The following HERC1 variants were observed in gnomAD, a reference collection of about 807,000 sequenced individuals.
HERC1 encodes probable E3 ubiquitin-protein ligase HERC1.
Under a neutral mutation model 554.3 loss-of-function variants are expected in HERC1, and 160 were observed. The ratio of observed to expected loss-of-function variants is 0.29; its 90% CI spans 0.25 to 0.33. The LOEUF is 0.33. HERC1 is among the 10% of genes least tolerant of loss of function. The probability of loss-of-function intolerance (pLI) is 1.00; values close to 1 mark genes in which losing one functional copy is unlikely to be tolerated. For missense variants in HERC1, 4,919 were observed against 5,918.5 expected, an observed-to-expected ratio of 0.83 and a Z score of 5.54; for synonymous variants, 2,175 against 2,131.7, an observed-to-expected ratio of 1.02 and a Z score of -0.56.
At chr15:63,704,390 G>T (rs1825250251) in intron 25 of HERC1, among the ~76,000 whole-genome samples, 1 of 152,016 alleles carries the variant, frequency 6.6e-6, no homozygotes, top group Non-Finnish European at 1.5e-5. Context: ...ATTTCCATAT[G>T]CATGATAGAG....
rs7175789 is a variant in HERC1, at chr15:63,630,894, T to C, written c.12797-259A>G. Reference sequence around the variant, plus strand: ...AAAAGTTGTATCTAAACTCGGTAACTTGTTTCAAAATAAGAGGCTTCTCCA... The same window carrying C: ...AAAAGTTGTATCTAAACTCGGTAACCTGTTTCAAAATAAGAGGCTTCTCCA... On this transcript the variant is annotated intron_variant, in intron 68 of 77. Transcript: ENST00000443617. Among the ~76,000 whole-genome samples the C allele has an allele frequency of 0.099, 15,117 of 152,296 alleles. 1,025 individuals are homozygous for C. Among genetic ancestry groups the C allele is most frequent in the African/African-American group, 0.18 (7,420 of 41,538 alleles).
At chr15:63,681,359 G>T (rs1162778828) in intron 34 of HERC1, among the ~76,000 whole-genome samples, 1 of 152,010 alleles carries the variant, frequency 6.6e-6, no homozygotes, top group Non-Finnish European at 1.5e-5. Context: ...ACACCATCAT[G>T]CCTGGCTAGT....
chr15:63,640,392 C>A lies in HERC1; in HGVS notation c.11661G>T (p.Leu3887Phe). The change falls in exon 61 of 78, where the codon TTG becomes TTT. Residue 3887 changes from leucine (L) to phenylalanine (F), a missense_variant. This residue lies in a region of HERC1 where 1,963 missense variants were observed against 2,228.6 expected (regional missense o/e 0.88). Coordinates refer to ENST00000443617, the MANE Select transcript of HERC1 (RefSeq NM_003922.4). The stretch of plus-strand genomic sequence containing the variant: ...GATGAAGTCCCACAGCAAGGGAAGC[C>A]AAGCATTGCATATAGGGGCTATGAA... The part of the protein sequence containing the change: ...QLVHSPYMQC[L>F]ASLAVGLHLD... 1.9e-6 allele frequency: 3 copies of A among 1,613,796 alleles called. No individual in the cohort carries two copies. The highest frequency in any genetic ancestry group is 2.5e-6 in the Non-Finnish European group (3 of 1,179,796).
chr15:63,727,702 T>G lies in HERC1; in HGVS notation c.3291A>C (p.Arg1097Ser), dbSNP rs1465597633. ...DLLPPLDCLNRLLPAADLLED... is the reference protein window; with the variant it reads ...DLLPPLDCLNSLLPAADLLED... ...CTAAAAGATCAGCAGCTGGCAGGAG[T>G]CTATTAAGGCAATCAAGAGGTGGCA... Residue 1097 changes from arginine to serine, a missense_variant, in exon 17 of 78, where the codon AGA (arginine) becomes AGC (serine). By Grantham distance (110) the Arg-to-Ser change is moderately radical. Transcript: ENST00000443617. The surrounding 1 kb of genome is among the most constrained non-coding windows in gnomAD (Gnocchi z 4.3). 3 of 1,613,172 alleles carry G rather than the reference T, an allele frequency of 1.9e-6. No homozygotes were observed. The highest frequency in any genetic ancestry group is 1.7e-5 in the Admixed American group (1 of 59,910).
chr15:63,627,949 G>T (rs1273514739), intron 70 of HERC1, among the ~76,000 whole-genome samples: 1 of 152,218 alleles, frequency 6.6e-6, no homozygotes, highest in East Asian at 1.9e-4. Context: ...GAATAAAATG[G>T]CAGCAAGTTG....
At chr15:63,764,465 C>T (rs1216793905) in intron 2 of HERC1, among the ~76,000 whole-genome samples, 1 of 152,146 alleles carries the variant, frequency 6.6e-6, no homozygotes, top group Non-Finnish European at 1.5e-5. Context: ...ACAGGGCTCT[C>T]GAAACAATCA....
intron 1 of HERC1, among the ~76,000 whole-genome samples, chr15:63,824,456 C>T (rs1016693366): frequency 1.3e-5 from 2 of 151,670 alleles, no homozygotes; most frequent in Admixed American, 1.3e-4. Flanking sequence ...ATCACTTGAA[C>T]CCGGGAGGCA....
chr15:63,787,872 G>C (rs1042269983), intron 1 of HERC1, among the ~76,000 whole-genome samples: 1 of 150,852 alleles, frequency 6.6e-6, no homozygotes, highest in Non-Finnish European at 1.5e-5. Flanking sequence ...ATACTGGGGA[G>C]GCCGCCTGAG....
chr15:63,756,601 T>G lies in HERC1; in HGVS notation c.1369A>C (p.Ile457Leu). Residue 457 changes from isoleucine (I) to leucine (L), a missense_variant, in exon 5 of 78, where the codon ATT becomes CTT. This residue lies in a region of HERC1 where 744 missense variants were observed against 1,090.0 expected (regional missense o/e 0.68). Transcript: ENST00000443617. This position sits in a 1 kb window ranked among gnomAD's most constrained non-coding sequence, Gnocchi z 5.0. ...CCTTTAGAAGATGAAACCTTTTTAA[T>G]GGATCTGTGAGGCTCGAATGTTAAC... ...KKLTFEPHRS[I>L]KKVSSSKGSD... The G allele has an allele frequency of 4.3e-6, 7 of 1,613,974 alleles. 1 individual carries two copies. In the South Asian group the frequency reaches 4.4e-5, roughly 10 times the overall value.
intron 19 of HERC1, among the ~76,000 whole-genome samples, chr15:63,721,090 A>G (rs1224893863): frequency 6.6e-6 from 1 of 152,142 alleles, no homozygotes; most frequent in Non-Finnish European, 1.5e-5. Context: ...GGTATAGAAA[A>G]CCTAACTGCA....
At chr15:63,697,592 T>A (rs959563880) in intron 26 of HERC1, among the ~76,000 whole-genome samples, 1 of 151,856 alleles carries the variant, frequency 6.6e-6, no homozygotes, top group African/African-American at 2.4e-5. Context: ...GTAGCTGGGA[T>A]TACAGGCATC....
At position 63,704,740 on chromosome 15, in the gene HERC1, T is replaced by A. The variant is rs1003180716; in HGVS notation, c.4636+2040A>T. Among the ~76,000 whole-genome samples, 129 of 145,770 alleles carry A rather than the reference T, an allele frequency of 8.8e-4. 1 individual carries two copies. Among genetic ancestry groups the A allele is most frequent in the African/African-American group, 3.0e-3 (118 of 39,342 alleles). On this transcript the variant is annotated intron_variant, in intron 25 of 77. Transcript: ENST00000443617. The stretch of plus-strand genomic sequence containing the variant: ...ATAATACAAATACTCTGTAATTTTT[T>A]TTTTTTTTTTTTTTTTGAGATGGAG...
At chr15:63,769,495 C>A (rs2075884709) in intron 2 of HERC1, among the ~76,000 whole-genome samples, 1 of 152,114 alleles carries the variant, frequency 6.6e-6, no homozygotes, top group African/African-American at 2.4e-5. Context: ...AAATGTATAA[C>A]TTCATTTGTT....
In HERC1 at chr15:63,649,925, C is replaced by T; in HGVS notation, c.10547G>A (p.Gly3516Glu). The change falls in exon 54 of 78, where the codon GGA (glycine) becomes GAA (glutamate). Residue 3516 changes from glycine to glutamate, a missense_variant and splice_region_variant. Coordinates refer to ENST00000443617, the MANE Select transcript of HERC1 (RefSeq NM_003922.4). The part of the protein sequence containing the change: ...EKMVNIWQVN[G>E]GKGLVDIQPH... The stretch of plus-strand genomic sequence containing the variant: ...CTGAATATCTACTAATCCTTTTCCT[C>T]CTAAAAGGGAAAAAATGTTAACTAG... The T allele has an allele frequency of 1.9e-6, 3 of 1,587,460 alleles. No individual in the cohort carries two copies. The highest frequency in any genetic ancestry group is 2.6e-6 in the Non-Finnish European group (3 of 1,166,170).
At chr15:63,793,984 A>C (rs936519873) in intron 1 of HERC1, among the ~76,000 whole-genome samples, 2 of 152,194 alleles carry the variant, frequency 1.3e-5, no homozygotes, top group Non-Finnish European at 2.9e-5. Flanking sequence ...GAGCTGGCTA[A>C]AACTCACCAA....
At position 63,628,755 on chromosome 15, in the gene HERC1, T is replaced by C; in HGVS notation, c.13027A>G (p.Lys4343Glu). 1 of 1,614,060 alleles carries C rather than the reference T, an allele frequency of 6.2e-7. No homozygotes were observed. Among genetic ancestry groups the C allele is most frequent in the Non-Finnish European group, 8.5e-7 (1 of 1,179,902 alleles). The change falls in exon 70 of 78, where the codon AAA becomes GAA. Residue 4343 changes from lysine to glutamate, a missense_variant. Physicochemically the swap from Lys to Glu is moderately conservative, Grantham distance 56. This residue lies in a region of HERC1 where 410 missense variants were observed against 467.0 expected (regional missense o/e 0.88). Coordinates refer to ENST00000443617, the MANE Select transcript of HERC1 (RefSeq NM_003922.4). Reference protein sequence around the residue: ...EPTLVTGLQGKNVRQISAGRC... With the variant: ...EPTLVTGLQGENVRQISAGRC... ...CCAGCCGAGATCTGCCGAACATTTT[T>C]CCCTTGCAGACCTGTTACCAGGGTT...
chr15:63,833,118 C>T (rs1248793753), intron 1 of HERC1, among the ~76,000 whole-genome samples: 1 of 152,222 alleles, frequency 6.6e-6, no homozygotes, highest in Non-Finnish European at 1.5e-5. Context: ...GAACAGATTT[C>T]ACCATGTTCC....
At chr15:63,679,179 C>T (rs1478699538) in intron 36 of HERC1, among the ~76,000 whole-genome samples, 6 of 152,182 alleles carry the variant, frequency 3.9e-5, no homozygotes, top group South Asian at 2.1e-4. Context: ...CGAACCAGAA[C>T]ATGACAGAAA....
chr15:63,698,912 T>C lies in HERC1; in HGVS notation c.4721A>G (p.Tyr1574Cys), dbSNP rs564661124. 2.2e-5 allele frequency: 36 copies of C among 1,613,770 alleles called. No individual in the cohort carries two copies. In the Admixed American group the frequency reaches 5.2e-4, roughly 23 times the overall value. ...HSRDWLCNSS[Y>C]SFESDFDLTK... ...AAGATCAAAATCTGACTCAAAGGAA[T>C]AGGAGGAGTTGCATAACCAGTCTCT... The change falls in exon 26 of 78, where the codon TAT becomes TGT. Residue 1574 changes from tyrosine to cysteine, a missense_variant. Coordinates refer to ENST00000443617, the MANE Select transcript of HERC1 (RefSeq NM_003922.4).
Sources: allele counts gnomAD v4.1 joint callset (sites outside exome capture counted in the v4.1 genomes callset), GRCh38; gene constraint gnomAD v4.1.1; regional missense constraint gnomAD v4.1.1; non-coding constraint Gnocchi (gnomAD v3.1); transcripts MANE v1.5; gene names NCBI Gene and HGNC (gene_info 2026-07-23, HGNC 2026-07-21).